The following PTPRB variants were observed in gnomAD, a reference collection of about 807,000 sequenced individuals.
PTPRB encodes receptor-type tyrosine-protein phosphatase beta.
PTPRB carries 97 observed loss-of-function variants against 238.1 expected under a neutral mutation model. The observed-to-expected ratio is 0.41, with a 90% CI of 0.35 to 0.48. PTPRB has a LOEUF of 0.48. PTPRB is among the 20% of genes least tolerant of loss of function. The pLI, the probability that PTPRB is intolerant of heterozygous loss-of-function variation, is 0.30. For missense variants in PTPRB, 2,292 were observed against 2,681.9 expected, an observed-to-expected ratio of 0.85 and a Z score of 3.21; for synonymous variants, 970 against 995.4, an observed-to-expected ratio of 0.97 and a Z score of 0.48.
intron 21 of PTPRB, among the ~76,000 whole-genome samples, chr12:70,547,368 G>A (rs1272627779): frequency 1.3e-5 from 2 of 152,148 alleles, no homozygotes; most frequent in South Asian, 2.1e-4. Flanking sequence ...TGCTAATTTT[G>A]GAAGGCAGCT....
intron 3 of PTPRB, among the ~76,000 whole-genome samples, chr12:70,611,656 A>T (rs1180068134): frequency 6.6e-6 from 1 of 152,198 alleles, no homozygotes; most frequent in African/African-American, 2.4e-5. Flanking sequence ...GAAAAAACGA[A>T]GTTTCTTCCC....
chr12:70,592,601 T>A, intron 6 of PTPRB, 56 bp from the exon 7 acceptor site: 1 of 1,545,884 alleles, frequency 6.5e-7, no homozygotes, highest in South Asian at 1.3e-5. Context: ...ACAAGTCCTA[T>A]GGCCAAATTT....
intron 17 of PTPRB, among the ~76,000 whole-genome samples, 164 bp from the exon 18 acceptor site, chr12:70,559,788 G>A (rs1878227341): frequency 6.7e-6 from 1 of 148,864 alleles, no homozygotes; most frequent in South Asian, 2.2e-4. Context: ...TGTTTATTAT[G>A]TGTAAGGCAC....
At chr12:70,586,838 T>G (rs576365756) in intron 9 of PTPRB, among the ~76,000 whole-genome samples, 169 bp downstream of exon 9, 1 of 152,196 alleles carries the variant, frequency 6.6e-6, no homozygotes. Flanking sequence ...AAGGAACTAA[T>G]AAAGATAAGA....
intron 16 of PTPRB, 72 bp from the exon 17 acceptor site, chr12:70,561,006 T>C: frequency 6.9e-7 from 1 of 1,454,574 alleles, no homozygotes; most frequent in Non-Finnish European, 9.5e-7. Context: ...GGTGAGAGTA[T>C]ATGCTATGTT....
chr12:70,602,285 G>A (rs1883577556), intron 4 of PTPRB, among the ~76,000 whole-genome samples: 1 of 152,158 alleles, frequency 6.6e-6, no homozygotes, highest in Non-Finnish European at 1.5e-5. Context: ...TGTCAGCACT[G>A]AGGGCACCCA....
At chr12:70,625,057 A>T (rs1243182998) in intron 2 of PTPRB, among the ~76,000 whole-genome samples, 2 of 152,130 alleles carry the variant, frequency 1.3e-5, no homozygotes, top group African/African-American at 4.8e-5. Context: ...CCTTCTAAAT[A>T]TATTTTTAAA....
Position 70,581,056 on chromosome 12 carries a change from A to G in PTPRB, c.2558T>C (p.Val853Ala), listed in dbSNP as rs745910625. Reference sequence around the variant, plus strand: ...CTTACCTGTTCTTCCCTCCACAACCACTTGTCGGGAAGAGATCCCTCCACT... The same window carrying G: ...CTTACCTGTTCTTCCCTCCACAACCGCTTGTCGGGAAGAGATCCCTCCACT... ...TVSGGISSRQ[V>A]VVEGRTVPSS... Residue 853 changes from valine to alanine, a missense_variant, in exon 10 of 34, where the codon GTG (valine) becomes GCG (alanine). Around this residue, in one of 4 missense-constraint regions of PTPRB, gnomAD observed 1,205 missense variants for 1,287.8 expected, o/e 0.94. Coordinates refer to ENST00000334414, the MANE Select transcript of PTPRB (RefSeq NM_001109754.4). The G allele has an allele frequency of 6.2e-6, 10 of 1,613,876 alleles. No homozygotes were observed. In the South Asian group the frequency reaches 7.7e-5, roughly 12 times the overall value.
chr12:70,634,040 G>A (rs1885575270), intron 2 of PTPRB, among the ~76,000 whole-genome samples: 1 of 152,126 alleles, frequency 6.6e-6, no homozygotes, highest in Non-Finnish European at 1.5e-5. Context: ...TGATAAAGTT[G>A]AATTTTTGAG....
chr12:70,541,314 A>T (rs7305036), intron 22 of PTPRB: 2,257 of 172,092 alleles, frequency 0.013, 57 homozygotes, highest in African/African-American at 0.049. Context: ...ATTTATATAA[A>T]ACATGTTACA....
At chr12:70,534,406 C>A in intron 31 of PTPRB, 82 bp downstream of exon 31, 1 of 1,481,804 alleles carries the variant, frequency 6.7e-7, no homozygotes, top group East Asian at 2.4e-5. Context: ...CACCAAATTC[C>A]CCATGCTTAT....
chr12:70,581,300 G>A lies in PTPRB; in HGVS notation c.2314C>T (p.Pro772Ser), dbSNP rs781681630. 6 of 1,608,280 alleles carry A rather than the reference G, an allele frequency of 3.7e-6. No individual in the cohort carries two copies. The highest frequency in any genetic ancestry group is 5.1e-6 in the Non-Finnish European group (6 of 1,176,908). ...NSSSVKGRTVPAQVTDLHVAN... is the reference protein window; with the variant it reads ...NSSSVKGRTVSAQVTDLHVAN... Reference sequence around the variant, plus strand: ...ACATGCAAGTCAGTCACTTGGGCAGGCACTAAAACAGTAGACAGAAGAAAA... The same window carrying A: ...ACATGCAAGTCAGTCACTTGGGCAGACACTAAAACAGTAGACAGAAGAAAA... The change falls in exon 10 of 34, where the codon CCT (proline) becomes TCT (serine). Residue 772 changes from proline (P) to serine (S), a missense_variant and splice_region_variant. Around this residue, in one of 4 missense-constraint regions of PTPRB, gnomAD observed 1,205 missense variants for 1,287.8 expected, o/e 0.94. Transcript: ENST00000334414.
intron 6 of PTPRB, among the ~76,000 whole-genome samples, chr12:70,593,568 C>T (rs887352660): frequency 2.1e-5 from 3 of 143,714 alleles, no homozygotes; most frequent in Non-Finnish European, 3.0e-5. Flanking sequence ...TGATTTTGCA[C>T]AAGGCAGTCA....
At chr12:70,567,361 C>T (rs938016894) in intron 14 of PTPRB, among the ~76,000 whole-genome samples, 38 of 152,276 alleles carry the variant, frequency 2.5e-4, no homozygotes, top group African/African-American at 8.4e-4. Context: ...TTACATCTCT[C>T]CCTGAATGTA....
chr12:70,594,353 C>T, intron 6 of PTPRB, 114 bp downstream of exon 6: 1 of 1,367,974 alleles, frequency 7.3e-7, no homozygotes, highest in Non-Finnish European at 9.9e-7. Context: ...TCTTCTATAC[C>T]TTATAAGAAT....
intron 9 of PTPRB, 142 bp downstream of exon 9, chr12:70,586,865 T>C (rs1881967230): frequency 1.2e-6 from 1 of 838,020 alleles, no homozygotes; most frequent in Non-Finnish European, 1.8e-6. Context: ...ATTGGTAAAA[T>C]AGAAAACAAA....
rs201732743 is a variant in PTPRB, at chr12:70,570,706, A to T, written c.3370+320T>A. Among the ~76,000 whole-genome samples the T allele has an allele frequency of 1.1e-4, 16 of 152,104 alleles. No individual in the cohort carries two copies. The East Asian group carries it at 3.1e-3, about 30-fold the overall frequency. On this transcript the variant is annotated intron_variant, in intron 13 of 33. Coordinates refer to ENST00000334414, the MANE Select transcript of PTPRB (RefSeq NM_001109754.4). Reference sequence around the variant, plus strand: ...AGTACATGTTAACTACTATGGCAACACTCCTAAAAGAGTTCTAAAGAAGTG... The same window carrying T: ...AGTACATGTTAACTACTATGGCAACTCTCCTAAAAGAGTTCTAAAGAAGTG...
Position 70,524,985 on chromosome 12 carries a change from G to GTT in PTPRB, c.6505-395_6505-394insAA, listed in dbSNP as rs1336787743. Among the ~76,000 whole-genome samples the GTT allele has an allele frequency of 2.2e-4, 31 of 138,046 alleles. No individual in the cohort carries two copies. In the Admixed American group the frequency reaches 2.3e-3, roughly 10 times the overall value. 90.6% of individuals were successfully genotyped at this position (138,046 alleles called of 152,430 possible). On this transcript the variant is annotated intron_variant, in intron 32 of 33. Coordinates refer to ENST00000334414, the MANE Select transcript of PTPRB (RefSeq NM_001109754.4). ...TATGTGTATATATGTGTGTGTGTGT[G>GTT]TGTGTATATATATATATAAAATATT... is the stretch of plus-strand genomic sequence containing the variant.
In PTPRB at chr12:70,562,955, G is replaced by A. The variant is rs1452674389; in HGVS notation, c.4057C>T (p.Leu1353=). ...NLQERAQVDP[L]VQSFSFQNLL... ...TTCTGGAAAGAGAAGCTCTGGACTA[G>A]TGGGTCAACTTGAGCTCTCTCCTGG... is the stretch of plus-strand genomic sequence containing the variant. The change falls in exon 16 of 34, where the codon CTA becomes TTA. Residue 1353 remains leucine (L), a synonymous_variant. Transcript: ENST00000334414. The A allele has an allele frequency of 8.1e-6, 13 of 1,613,904 alleles. No homozygotes were observed. Among genetic ancestry groups the A allele is most frequent in the East Asian group, 6.7e-5 (3 of 44,898 alleles).
Sources: gnomAD v4.1 joint callset for allele counts (sites outside exome capture counted in the v4.1 genomes callset) on GRCh38, gnomAD v4.1.1 for gene constraint, gnomAD v4.1.1 regional missense constraint, MANE v1.5 for transcripts, NCBI Gene and HGNC (gene_info 2026-07-23, HGNC 2026-07-21) for gene names.